TRRAP: variants seen among roughly 807,000 people sequenced by gnomAD.
The protein encoded by TRRAP is transformation/transcription domain associated protein.
In TRRAP, 41 loss-of-function variants were observed where a neutral mutation model predicts 438.8. The observed-to-expected ratio is 0.09, with a 90% confidence interval of 0.07 to 0.12. TRRAP has a LOEUF of 0.12. Among genes scored for constraint, TRRAP ranks in the 10% least tolerant of loss-of-function variants. TRRAP has a pLI of 1.00. For synonymous variants in TRRAP, 1,994 were observed against 1,962.9 expected (o/e 1.02, Z -0.42); for missense variants, 3,122 against 5,055.1 (o/e 0.62, Z 11.60).
intron 45 of TRRAP, among the ~76,000 whole-genome samples, chr7:98,960,759 TTGTGTGTG>T (rs35384186): frequency 2.8e-5 from 4 of 144,832 alleles, no homozygotes; most frequent in Non-Finnish European, 3.0e-5. Context: ...GCCTGGCTTT[TTGTGTGTG>T]TGTGTGTGTG....
chr7:99,000,606 A>T lies in TRRAP; in HGVS notation c.10310-3584A>T, dbSNP rs1031915619. On this transcript the variant is annotated intron_variant, in intron 67 of 72. Coordinates refer to ENST00000456197, the MANE Select transcript of TRRAP (RefSeq NM_001375524.1). The stretch of plus-strand genomic sequence containing the variant: ...GCATGCCACTGCCGCCGTCTCCAGC[A>T]CTCGCCAGCCGGCGTCACTTGGGCA... Among the ~76,000 whole-genome samples, 10 of 152,302 alleles carry T rather than the reference A, an allele frequency of 6.6e-5. No homozygotes were observed. The East Asian group carries it at 1.9e-3, about 29-fold the overall frequency.
intron 3 of TRRAP, among the ~76,000 whole-genome samples, chr7:98,885,152 G>C (rs1795640438): frequency 6.6e-6 from 1 of 152,048 alleles, no homozygotes; most frequent in East Asian, 1.9e-4. Flanking sequence ...GGGTCTTGCT[G>C]TACAGTGGTG....
Position 99,005,476 on chromosome 7 carries a change from T to C in TRRAP, c.10753+128T>C. The C allele has an allele frequency of 1.2e-6, 1 of 858,910 alleles. No homozygotes were observed. Among genetic ancestry groups the C allele is most frequent in the Non-Finnish European group, 1.8e-6 (1 of 541,086 alleles). 53.2% of individuals were successfully genotyped at this position (858,910 alleles called of 1,614,324 possible). ...AGGGTCCAGCTGCGTCAGCAGAGAA[T>C]GTTGTAGTCTGTGCTGACCAGGGAA... On this transcript the variant is annotated intron_variant, in intron 69 of 72. Coordinates refer to ENST00000456197, the MANE Select transcript of TRRAP (RefSeq NM_001375524.1). The surrounding 1 kb of genome is among the most constrained non-coding windows in gnomAD (Gnocchi z 5.1).
intron 51 of TRRAP, among the ~76,000 whole-genome samples, 180 bp from the exon 52 acceptor site, chr7:98,969,932 T>TG (rs1263382543): frequency 6.6e-6 from 1 of 151,868 alleles, no homozygotes; most frequent in East Asian, 1.9e-4. Flanking sequence ...GACGATGCCT[T>TG]GGAGGGGTTG....
At chr7:98,886,494 A>G (rs1326215248) in intron 3 of TRRAP, among the ~76,000 whole-genome samples, 3 of 152,182 alleles carry the variant, frequency 2.0e-5, no homozygotes, top group Non-Finnish European at 4.4e-5. Context: ...AGATATCTAG[A>G]GAGATATGGA....
intron 33 of TRRAP, among the ~76,000 whole-genome samples, chr7:98,947,372 A>G (rs956852682): frequency 1.3e-5 from 2 of 152,114 alleles, no homozygotes; most frequent in African/African-American, 4.8e-5. Context: ...GTTTATATAC[A>G]TTGATATTTA....
chr7:98,965,073 G>A (rs902815498), intron 48 of TRRAP, among the ~76,000 whole-genome samples: 1 of 152,218 alleles, frequency 6.6e-6, no homozygotes, highest in Admixed American at 6.5e-5. Context: ...CTGTGATCAC[G>A]CCTGTGAATA....
Position 99,005,015 on chromosome 7 carries a change from C to G in TRRAP, c.10536-116C>G, listed in dbSNP as rs1794097162. On this transcript the variant is annotated intron_variant, in intron 68 of 72. Coordinates refer to ENST00000456197, the MANE Select transcript of TRRAP (RefSeq NM_001375524.1). The surrounding 1 kb of genome is among the most constrained non-coding windows in gnomAD (Gnocchi z 5.1). ...GGGTACAAATAAATTGATAAACGAC[C>G]GCTGGCCTACACAGTCCGTTTTCCC... is the stretch of plus-strand genomic sequence containing the variant. 1.0e-6 allele frequency: 1 copy of G among 974,044 alleles called. No homozygotes were observed. The highest frequency in any genetic ancestry group is 1.6e-5 in the African/African-American group (1 of 61,988). 60.3% of individuals were successfully genotyped at this position (974,044 alleles called of 1,614,324 possible). A position where few individuals can be genotyped will look rare whatever the true frequency, so the allele number is the denominator to read the frequency against.
At chr7:98,925,434 G>C (rs1403271436) in intron 22 of TRRAP, among the ~76,000 whole-genome samples, 171 bp downstream of exon 22, 1 of 152,194 alleles carries the variant, frequency 6.6e-6, no homozygotes, top group Non-Finnish European at 1.5e-5. Flanking sequence ...ATGGAAAGGA[G>C]AACTGGGTGC....
rs1398331343 is a variant in TRRAP, at chr7:98,981,790, G to A, written c.8656G>A (p.Glu2886Lys). Residue 2886 changes from glutamate to lysine, a missense_variant, in exon 59 of 73, where the codon GAG becomes AAG. By Grantham distance (56) the Glu-to-Lys change is moderately conservative. This residue lies in a region of TRRAP where 992 missense variants were observed against 1,281.2 expected (regional missense o/e 0.77). Coordinates refer to ENST00000456197, the MANE Select transcript of TRRAP (RefSeq NM_001375524.1). Reference sequence around the variant, plus strand: ...CCAGGTGGAAGTGAGCTGTCCGAAGGAGATGGCCTGGAAGGTGAACATGTA... The same window carrying A: ...CCAGGTGGAAGTGAGCTGTCCGAAGAAGATGGCCTGGAAGGTGAACATGTA... ...LVQVEVSCPK[E>K]MAWKVNMYRG... The A allele has an allele frequency of 6.2e-7, 1 of 1,605,274 alleles. No individual in the cohort carries two copies. The highest frequency in any genetic ancestry group is 8.5e-7 in the Non-Finnish European group (1 of 1,176,436).
intron 69 of TRRAP, among the ~76,000 whole-genome samples, chr7:99,006,967 G>A (rs1794193168): frequency 2.6e-5 from 4 of 152,318 alleles, no homozygotes. Flanking sequence ...CAGCGCTCCT[G>A]CCGCCTCCAG....
chr7:98,930,791 G>A lies in TRRAP; in HGVS notation c.3552G>A (p.Leu1184=), dbSNP rs2116512547. Residue 1184 remains leucine, a synonymous_variant, in exon 25 of 73, where the codon CTG becomes CTA. Coordinates refer to ENST00000456197, the MANE Select transcript of TRRAP (RefSeq NM_001375524.1). ...TWVLQNQQTF[L]KALLFVMMDL... ...TTCTCCAGAACCAGCAGACATTCCT[G>A]AAAGCACTTCTCTTTGTCATGATGG... 4 of 1,614,220 alleles carry A rather than the reference G, an allele frequency of 2.5e-6. No homozygotes were observed. Among genetic ancestry groups the A allele is most frequent in the Non-Finnish European group, 3.4e-6 (4 of 1,180,050 alleles).
In TRRAP at chr7:98,965,563, A is replaced by G. The variant is rs1792116225; in HGVS notation, c.6977-133A>G. On this transcript the variant is annotated intron_variant, in intron 48 of 72. Transcript: ENST00000456197. ...AGAACATATGAGTGCTTCAAATCCCAGAGCTCTAGTTGCAGGAAAAAACAT... is the reference window on the plus strand; with the variant it reads ...AGAACATATGAGTGCTTCAAATCCCGGAGCTCTAGTTGCAGGAAAAAACAT... The G allele has an allele frequency of 5.1e-6, 6 of 1,182,082 alleles. No homozygotes were observed. In the East Asian group the frequency reaches 1.5e-4, roughly 29 times the overall value. 73.2% of individuals were successfully genotyped at this position (1,182,082 alleles called of 1,614,324 possible). A position where few individuals can be genotyped will look rare whatever the true frequency, so the allele number is the denominator to read the frequency against.
intron 10 of TRRAP, among the ~76,000 whole-genome samples, 182 bp from the exon 11 acceptor site, chr7:98,900,442 C>G (rs562646920): frequency 7.9e-5 from 12 of 152,134 alleles, no homozygotes; most frequent in African/African-American, 2.9e-4. Context: ...TGGTGTGTTT[C>G]CTTAAAACTT....
rs1554408062 is a variant in TRRAP, at chr7:98,908,983, A to G, written c.1350+21A>G. On this transcript the variant is annotated intron_variant, in intron 14 of 72. Transcript: ENST00000456197. The surrounding 1 kb of genome is among the most constrained non-coding windows in gnomAD (Gnocchi z 4.1). Reference sequence around the variant, plus strand: ...TGGAGGTACCAGCTCTTCTGAGAGTATCATCCATCCTGCACTCTATCCTGT... The same window carrying G: ...TGGAGGTACCAGCTCTTCTGAGAGTGTCATCCATCCTGCACTCTATCCTGT... 1.3e-6 allele frequency: 2 copies of G among 1,581,470 alleles called. No individual in the cohort carries two copies. Among genetic ancestry groups the G allele is most frequent in the Admixed American group, 1.7e-5 (1 of 58,362 alleles).
intron 38 of TRRAP, 134 bp downstream of exon 38, chr7:98,950,396 C>T: frequency 6.5e-6 from 7 of 1,074,292 alleles, no homozygotes; most frequent in Non-Finnish European, 9.2e-6. Context: ...GTGGCATGTG[C>T]CTGTAATCCC....
At chr7:98,984,882 T>G (rs998481051) in intron 61 of TRRAP, 62 bp from the exon 62 acceptor site, 2 of 1,088,576 alleles carry the variant, frequency 1.8e-6, no homozygotes, top group African/African-American at 3.2e-5. Context: ...TAGTATTTTA[T>G]GAGGTTTTCA....
At chr7:98,984,444 A>G (rs1793064290) in intron 61 of TRRAP, 86 bp downstream of exon 61, 4 of 1,454,250 alleles carry the variant, frequency 2.8e-6, no homozygotes, top group Non-Finnish European at 3.7e-6. Flanking sequence ...CCTGGTTCAG[A>G]ATATAAGGAA....
intron 46 of TRRAP, 89 bp from the exon 47 acceptor site, chr7:98,962,213 A>G: frequency 6.3e-7 from 1 of 1,590,998 alleles, no homozygotes. Context: ...CCCTCCTGAT[A>G]CCCAAGCAGC....
Sources: allele counts gnomAD v4.1 joint callset (sites outside exome capture counted in the v4.1 genomes callset), GRCh38; gene constraint gnomAD v4.1.1; regional missense constraint gnomAD v4.1.1; non-coding constraint Gnocchi (gnomAD v3.1); transcripts MANE v1.5; gene names NCBI Gene and HGNC (gene_info 2026-07-23, HGNC 2026-07-21).